EYS: variants seen among roughly 807,000 people sequenced by gnomAD.
The protein encoded by EYS is EGF-like photoreceptor maintenance factor.
Under a neutral mutation model 282.1 loss-of-function variants are expected in EYS, and 250 were observed. The ratio of observed to expected loss-of-function variants is 0.89; its 90% CI spans 0.80 to 0.98. EYS has a LOEUF of 0.98. Ranked by LOEUF, EYS falls within the 50% of genes least tolerant of loss-of-function variation. The pLI, the probability that EYS is intolerant of heterozygous loss-of-function variation, is 0.00. For missense variants in EYS, 4,016 were observed against 3,709.0 expected (o/e 1.08, Z -2.15); for synonymous variants, 1,355 against 1,282.9 (o/e 1.06, Z -1.20).
At chr6:65,646,954 CAAG>C (rs145422003) in intron 1 of EYS, among the ~76,000 whole-genome samples, 6,762 of 151,980 alleles carry the variant, frequency 0.044, 464 homozygotes, top group African/African-American at 0.15. Context: ...AATACCTAAC[CAAG>C]AAGATGAAAG....
intron 29 of EYS, among the ~76,000 whole-genome samples, chr6:64,368,839 C>T (rs1295409566): frequency 1.3e-5 from 2 of 151,798 alleles, no homozygotes; most frequent in African/African-American, 2.4e-5. Flanking sequence ...AAATATTTTC[C>T]CTCATTCTGT....
At chr6:65,654,690 G>C (rs1321890781) in intron 1 of EYS, among the ~76,000 whole-genome samples, 2 of 151,584 alleles carry the variant, frequency 1.3e-5, no homozygotes, top group African/African-American at 4.8e-5. Context: ...GTTCTCACAA[G>C]TATTGTTCAC....
At chr6:65,674,609 C>T (rs898581161) in intron 1 of EYS, among the ~76,000 whole-genome samples, 1 of 151,606 alleles carries the variant, frequency 6.6e-6, no homozygotes, top group African/African-American at 2.4e-5. Context: ...AATAAAATTG[C>T]CAACCAAGAT....
At chr6:65,553,540 A>G (rs1323193066) in intron 2 of EYS, among the ~76,000 whole-genome samples, 1 of 152,132 alleles carries the variant, frequency 6.6e-6, no homozygotes, top group African/African-American at 2.4e-5. Context: ...GGGAAATCAT[A>G]TTAATAGGAA....
chr6:64,880,837 T>C (rs1046145408), intron 19 of EYS, among the ~76,000 whole-genome samples: 10 of 149,950 alleles, frequency 6.7e-5, no homozygotes, highest in African/African-American at 1.9e-4. Flanking sequence ...TATATATATA[T>C]ACACACACAC....
chr6:63,783,346 C>T (rs952823061), intron 39 of EYS, among the ~76,000 whole-genome samples: 1 of 152,076 alleles, frequency 6.6e-6, no homozygotes, highest in African/African-American at 2.4e-5. Context: ...TAGGCAAGGC[C>T]TGGAAGTAGC....
chr6:65,489,503 T>C (rs1220364199), intron 5 of EYS: 1 of 152,038 alleles, frequency 6.6e-6, no homozygotes, highest in Non-Finnish European at 1.5e-5. Flanking sequence ...TGTGGAAAAA[T>C]AGGAATGCTT....
At chr6:63,801,557 T>A (rs1770783138) in intron 37 of EYS, among the ~76,000 whole-genome samples, 1 of 152,186 alleles carries the variant, frequency 6.6e-6, no homozygotes. Context: ...ATCTGTGGAC[T>A]ACTGTGGGAT....
intron 34 of EYS, among the ~76,000 whole-genome samples, chr6:63,995,938 G>A (rs1008564570): frequency 2.6e-5 from 4 of 151,896 alleles, no homozygotes; most frequent in African/African-American, 4.8e-5. Context: ...AACTAAATGA[G>A]AGGATTTTCA....
At chr6:63,934,557 T>C (rs1327074450) in intron 35 of EYS, among the ~76,000 whole-genome samples, 4 of 152,066 alleles carry the variant, frequency 2.6e-5, no homozygotes, top group African/African-American at 9.7e-5. Context: ...CACCATGGAA[T>C]ACTATGCAGC....
intron 22 of EYS, among the ~76,000 whole-genome samples, chr6:64,711,014 C>T (rs1475264261): frequency 1.3e-5 from 2 of 152,032 alleles, no homozygotes; most frequent in Non-Finnish European, 1.5e-5. Flanking sequence ...AGAAAAATGC[C>T]GTACCGTAAG....
chr6:63,952,095 C>T (rs1484757613), intron 35 of EYS, among the ~76,000 whole-genome samples: 1 of 152,236 alleles, frequency 6.6e-6, no homozygotes, highest in Non-Finnish European at 1.5e-5. Context: ...CCCAGCCGCA[C>T]CTCCAGCACA....
chr6:64,891,905 C>T (rs75136547), intron 18 of EYS, among the ~76,000 whole-genome samples: 7,966 of 151,824 alleles, frequency 0.052, 234 homozygotes, highest in East Asian at 0.17. Flanking sequence ...AAAGCTTTTA[C>T]TTCAAAAGTT....
chr6:64,062,779 A>G (rs1254369101), intron 33 of EYS, among the ~76,000 whole-genome samples: 2 of 151,628 alleles, frequency 1.3e-5, no homozygotes, highest in African/African-American at 4.8e-5. Flanking sequence ...CTCAACTGGT[A>G]ATTCCAATTA....
intron 30 of EYS, among the ~76,000 whole-genome samples, chr6:64,239,220 G>C (rs148065646): frequency 2.0e-5 from 3 of 152,088 alleles, no homozygotes; most frequent in African/African-American, 7.2e-5. Context: ...ACATACATGT[G>C]CATGTGTCTT....
At chr6:64,717,235 G>A (rs1396425471) in intron 22 of EYS, among the ~76,000 whole-genome samples, 1 of 152,112 alleles carries the variant, frequency 6.6e-6, no homozygotes. Flanking sequence ...GTAGCTTGTC[G>A]CTTGCCAGTC....
At chr6:65,125,608 C>T (rs551939741) in intron 12 of EYS, among the ~76,000 whole-genome samples, 4 of 152,212 alleles carry the variant, frequency 2.6e-5, no homozygotes, top group African/African-American at 9.6e-5. Context: ...AAGAATCCGA[C>T]CAAAATTTTT....
intron 28 of EYS, among the ~76,000 whole-genome samples, chr6:64,408,046 A>T (rs1054839037): frequency 2.6e-5 from 4 of 152,058 alleles, no homozygotes; most frequent in African/African-American, 7.2e-5. Context: ...ATTTTTTTTT[A>T]AAAGGGAATA....
chr6:65,617,384 A>C (rs1287703876), intron 2 of EYS, among the ~76,000 whole-genome samples: 3 of 152,120 alleles, frequency 2.0e-5, no homozygotes, highest in Non-Finnish European at 4.4e-5. Context: ...GACTTCAAAA[A>C]CTATTCTATC....
Sources: allele counts gnomAD v4.1 joint callset (sites outside exome capture counted in the v4.1 genomes callset), GRCh38; gene constraint gnomAD v4.1.1; transcripts MANE v1.5; gene names NCBI Gene and HGNC (gene_info 2026-07-23, HGNC 2026-07-21).